The following SLC25A12 variants were observed in gnomAD, a reference collection of about 807,000 sequenced individuals.
The protein encoded by SLC25A12 is electrogenic aspartate/glutamate antiporter SLC25A12, mitochondrial.
SLC25A12 carries 32 observed loss-of-function variants against 83.3 expected under a neutral mutation model. The ratio of observed to expected loss-of-function variants is 0.38; its 90% CI spans 0.29 to 0.52. SLC25A12 has a LOEUF of 0.52. SLC25A12 is among the 20% of genes least tolerant of loss of function. SLC25A12 has a pLI of 0.84. For missense variants in SLC25A12, 611 were observed against 835.6 expected, an observed-to-expected ratio of 0.73 and a Z score of 3.31; for synonymous variants, 267 against 291.1, an observed-to-expected ratio of 0.92 and a Z score of 0.84.
intron 3 of SLC25A12, among the ~76,000 whole-genome samples, chr2:171,861,540 G>GGGACTACAGA (rs763071110): frequency 1.6e-4 from 25 of 152,286 alleles, no homozygotes; most frequent in Non-Finnish European, 2.8e-4. Context: ...CTGAGTAGCT[G>GGGACTACAGA]GGACTACAGA....
intron 9 of SLC25A12, among the ~76,000 whole-genome samples, chr2:171,822,759 A>C (rs1684220137): frequency 6.6e-6 from 1 of 151,548 alleles, no homozygotes; most frequent in South Asian, 2.1e-4. Context: ...GCTCTTAACT[A>C]CTCTCTCCCT....
chr2:171,826,753 T>C, intron 9 of SLC25A12, 45 bp downstream of exon 9: 1 of 1,076,244 alleles, frequency 9.3e-7, no homozygotes, highest in South Asian at 1.2e-5. Flanking sequence ...AGTCTACTAG[T>C]TCAGCATTTT....
chr2:171,837,096 G>A (rs1684577286), intron 6 of SLC25A12, 25 bp downstream of exon 6: 2 of 1,612,788 alleles, frequency 1.2e-6, no homozygotes, highest in Non-Finnish European at 1.7e-6. Flanking sequence ...GAAATAGAAA[G>A]TTAAAGAACT....
intron 13 of SLC25A12, among the ~76,000 whole-genome samples, chr2:171,799,822 C>T (rs563913326): frequency 1.1e-4 from 17 of 152,298 alleles, no homozygotes; most frequent in Admixed American, 5.9e-4. Flanking sequence ...AAAGTGTGTT[C>T]GCATAGGGTT....
chr2:171,860,792 T>C (rs747803250), intron 3 of SLC25A12, among the ~76,000 whole-genome samples: 1 of 151,532 alleles, frequency 6.6e-6, no homozygotes, highest in Non-Finnish European at 1.5e-5. Context: ...ATGTTAATAG[T>C]AGAATCTGGC....
Position 171,861,167 on chromosome 2 carries a change from G to A in SLC25A12, c.210-5218C>T, listed in dbSNP as rs137885822. Among the ~76,000 whole-genome samples, 496 of 151,704 alleles carry A rather than the reference G, an allele frequency of 3.3e-3. 3 individuals are homozygous for A. Among genetic ancestry groups the A allele is most frequent in the Middle Eastern group, 0.01 (3 of 294 alleles). ...TATAATCTCTGTGGTAGTCTAGGTG[G>A]TAGATATATGGGTGTTCACTATAAA... On this transcript the variant is annotated intron_variant, in intron 3 of 17. Coordinates refer to ENST00000422440, the MANE Select transcript of SLC25A12 (RefSeq NM_003705.5).
At position 171,868,750 on chromosome 2, in the gene SLC25A12, T is replaced by C; in HGVS notation, c.140A>G (p.Tyr47Cys). Residue 47 changes from tyrosine (Y) to cysteine (C), a missense_variant, in exon 3 of 18, where the codon TAT (tyrosine) becomes TGT (cysteine). This residue lies in a region of SLC25A12 where 540 missense variants were observed against 777.5 expected (regional missense o/e 0.69). Transcript: ENST00000422440. ...EDFVQRYLGL[Y>C]NDPNSNPKIV... Reference sequence around the variant, plus strand: ...CTTTGGGTTACTATTTGGATCATTATACAGTCCAAGATAGCGCTGAACAAA... The same window carrying C: ...CTTTGGGTTACTATTTGGATCATTACACAGTCCAAGATAGCGCTGAACAAA... 1 of 1,613,850 alleles carries C rather than the reference T, an allele frequency of 6.2e-7. No homozygotes were observed. Among genetic ancestry groups the C allele is most frequent in the South Asian group, 1.1e-5 (1 of 91,078 alleles).
At chr2:171,832,517 C>A (rs907637374) in intron 8 of SLC25A12, among the ~76,000 whole-genome samples, 1 of 152,174 alleles carries the variant, frequency 6.6e-6, no homozygotes, top group Non-Finnish European at 1.5e-5. Flanking sequence ...GGATTGGAAG[C>A]TGTACACTTG....
chr2:171,864,804 T>C (rs547572742), intron 3 of SLC25A12, among the ~76,000 whole-genome samples: 2 of 152,330 alleles, frequency 1.3e-5, no homozygotes, highest in South Asian at 2.1e-4. Context: ...TCCTCTCATA[T>C]AGCTATGACA....
At chr2:171,864,183 A>G (rs1209877561) in intron 3 of SLC25A12, among the ~76,000 whole-genome samples, 1 of 152,186 alleles carries the variant, frequency 6.6e-6, no homozygotes, top group Non-Finnish European at 1.5e-5. Context: ...TTTTTAGACT[A>G]CTTACTGCCT....
Position 171,828,998 on chromosome 2 carries a change from C to T in SLC25A12, c.846-2116G>A, listed in dbSNP as rs142694572. ...CCAGAGTTTTTCCAGGGGGATGCCC[C>T]AGGTAAAATTTGAGTCACCAAATAA... is the stretch of plus-strand genomic sequence containing the variant. On this transcript the variant is annotated intron_variant, in intron 8 of 17. Coordinates refer to ENST00000422440, the MANE Select transcript of SLC25A12 (RefSeq NM_003705.5). 8.5e-5 allele frequency among the ~76,000 whole-genome samples: 13 copies of T among 152,324 alleles called. No individual in the cohort carries two copies. In the East Asian group the frequency reaches 2.3e-3, roughly 27 times the overall value.
At chr2:171,894,114 G>T in intron 1 of SLC25A12, 89 bp downstream of exon 1, 1 of 1,507,362 alleles carries the variant, frequency 6.6e-7, no homozygotes, top group South Asian at 1.2e-5. Context: ...CCTAGACAAT[G>T]AATAAAATGG....
intron 9 of SLC25A12, among the ~76,000 whole-genome samples, chr2:171,826,374 G>T (rs531183632): frequency 6.6e-6 from 1 of 152,166 alleles, no homozygotes; most frequent in African/African-American, 2.4e-5. Context: ...TTGGGAGGCC[G>T]AGGCAGGTGG....
Position 171,894,193 on chromosome 2 carries a change from T to A in SLC25A12, c.12+10A>T. The A allele has an allele frequency of 6.2e-7, 1 of 1,608,022 alleles. No individual in the cohort carries two copies. Among genetic ancestry groups the A allele is most frequent in the Non-Finnish European group, 8.5e-7 (1 of 1,177,490 alleles). ...ATGCAATAAAAGCAGCAGCAGAGAGTTGGAGTCACCTTGACCGCCATGCTG... is the reference window on the plus strand; with the variant it reads ...ATGCAATAAAAGCAGCAGCAGAGAGATGGAGTCACCTTGACCGCCATGCTG... On this transcript the variant is annotated intron_variant, in intron 1 of 17. Coordinates refer to ENST00000422440, the MANE Select transcript of SLC25A12 (RefSeq NM_003705.5).
At chr2:171,874,659 C>T (rs1414065144) in intron 2 of SLC25A12, among the ~76,000 whole-genome samples, 1 of 152,100 alleles carries the variant, frequency 6.6e-6, no homozygotes, top group African/African-American at 2.4e-5. Flanking sequence ...ACAATACAAG[C>T]GTTCTGTATG....
chr2:171,793,632 A>C lies in SLC25A12; in HGVS notation c.1441T>G (p.Tyr481Asp). The change falls in exon 14 of 18, where the codon TAT (tyrosine) becomes GAT (aspartate). Residue 481 changes from tyrosine (Y) to aspartate (D), a missense_variant. Around this residue, in one of 3 missense-constraint regions of SLC25A12, gnomAD observed 540 missense variants for 777.5 expected, o/e 0.69. Transcript: ENST00000422440. ...VLRDLGIFGL[Y>D]KGAKACFLRD... Reference sequence around the variant, plus strand: ...TATAACCTAAACCTACCCACCTTATACAGACCAAAAATTCCCAAGTCCCGG... The same window carrying C: ...TATAACCTAAACCTACCCACCTTATCCAGACCAAAAATTCCCAAGTCCCGG... The C allele has an allele frequency of 6.2e-7, 1 of 1,614,126 alleles. No homozygotes were observed. Among genetic ancestry groups the C allele is most frequent in the Non-Finnish European group, 8.5e-7 (1 of 1,180,014 alleles).
intron 8 of SLC25A12, among the ~76,000 whole-genome samples, chr2:171,827,179 C>T (rs550421553): frequency 4.9e-4 from 75 of 152,168 alleles, no homozygotes; most frequent in Non-Finnish European, 9.6e-4. Flanking sequence ...ACTGTCCCTA[C>T]CCACTAAATG....
intron 9 of SLC25A12, among the ~76,000 whole-genome samples, chr2:171,820,544 C>T (rs1684165052): frequency 7.1e-6 from 1 of 141,276 alleles, no homozygotes; most frequent in South Asian, 2.5e-4. Flanking sequence ...CCGGCTAAAA[C>T]GGTGAAACCC....
chr2:171,843,081 A>C (rs557213563), intron 5 of SLC25A12, among the ~76,000 whole-genome samples: 26 of 152,242 alleles, frequency 1.7e-4, no homozygotes, highest in African/African-American at 2.4e-4. Context: ...TCAGCCTCCC[A>C]AAGTGCTGGG....
Sources: allele counts gnomAD v4.1 joint callset (sites outside exome capture counted in the v4.1 genomes callset), GRCh38; gene constraint gnomAD v4.1.1; regional missense constraint gnomAD v4.1.1; transcripts MANE v1.5; gene names NCBI Gene and HGNC (gene_info 2026-07-23, HGNC 2026-07-21).